DOCK1: variants seen among roughly 807,000 people sequenced by gnomAD.
DOCK1 encodes the protein dedicator of cytokinesis protein 1.
DOCK1 carries 138 observed loss-of-function variants against 262.7 expected under a neutral mutation model. That is an observed-to-expected ratio of 0.53 (90% CI 0.46 to 0.61). The LOEUF (loss-of-function observed/expected upper bound fraction) is 0.61. DOCK1 is among the 20% of genes least tolerant of loss of function. The pLI, the probability that DOCK1 is intolerant of heterozygous loss-of-function variation, is 0.00. For missense variants in DOCK1, 1,908 were observed against 2,370.7 expected (o/e 0.80, Z 4.05); for synonymous variants, 866 against 867.4 (o/e 1.00, Z 0.03).
chr10:127,387,701 G>A (rs775837706), intron 38 of DOCK1, among the ~76,000 whole-genome samples: 2 of 152,234 alleles, frequency 1.3e-5, no homozygotes, highest in African/African-American at 2.4e-5. Flanking sequence ...AACAGTGCCT[G>A]GCACACAGCA....
At chr10:127,319,154 G>A (rs1329655346) in intron 29 of DOCK1, among the ~76,000 whole-genome samples, 1 of 152,208 alleles carries the variant, frequency 6.6e-6, no homozygotes, top group Admixed American at 6.5e-5. Context: ...ATCACCAAAG[G>A]CGCGTGGTGC....
chr10:127,094,040 A>T (rs954338588), intron 23 of DOCK1, among the ~76,000 whole-genome samples: 1 of 152,084 alleles, frequency 6.6e-6, no homozygotes, highest in Non-Finnish European at 1.5e-5. Context: ...TAATCACATT[A>T]TTCCTAAAGT....
At chr10:127,000,826 T>C (rs564761634) in intron 10 of DOCK1, 2 of 150,170 alleles carry the variant, frequency 1.3e-5, no homozygotes, top group African/African-American at 6.2e-5. Flanking sequence ...TCCTCTGCCA[T>C]GTTGGTGCTC....
intron 29 of DOCK1, among the ~76,000 whole-genome samples, chr10:127,338,747 T>C (rs974800324): frequency 2.0e-5 from 3 of 152,198 alleles, no homozygotes; most frequent in African/African-American, 4.8e-5. Flanking sequence ...TTTTAAGTCA[T>C]ACTTTTCAAA....
chr10:127,211,474 G>C lies in DOCK1; in HGVS notation c.2848-36534G>C, dbSNP rs190138598. Among the ~76,000 whole-genome samples, 153 of 152,308 alleles carry C rather than the reference G, an allele frequency of 1.0e-3. 1 individual carries two copies. Among genetic ancestry groups the C allele is most frequent in the African/African-American group, 3.4e-3 (141 of 41,558 alleles). On this transcript the variant is annotated intron_variant, in intron 27 of 51. Coordinates refer to ENST00000623213, the MANE Select transcript of DOCK1 (RefSeq NM_001290223.2). ...TTATAGACATCGCCATCCCCTGTTA[G>C]TGAATTTGGGGTCTTGAGACGTCAT... is the stretch of plus-strand genomic sequence containing the variant.
intron 31 of DOCK1, among the ~76,000 whole-genome samples, chr10:127,352,750 G>A (rs1053638244): frequency 6.6e-5 from 10 of 152,064 alleles, no homozygotes; most frequent in Admixed American, 1.3e-4. Context: ...GTGCCACCAC[G>A]CCCAGCTAAT....
chr10:127,052,790 G>C lies in DOCK1; in HGVS notation c.2311G>C (p.Val771Leu). The C allele has an allele frequency of 6.2e-7, 1 of 1,613,526 alleles. No individual in the cohort carries two copies. Among genetic ancestry groups the C allele is most frequent in the Non-Finnish European group, 8.5e-7 (1 of 1,179,664 alleles). The change falls in exon 22 of 52, where the codon GTG becomes CTG. Residue 771 changes from valine to leucine, a missense_variant. Val to Leu is a conservative substitution (Grantham distance 32). This residue lies in a region of DOCK1 where 518 missense variants were observed against 575.1 expected (regional missense o/e 0.90). Coordinates refer to ENST00000623213, the MANE Select transcript of DOCK1 (RefSeq NM_001290223.2). ...KALESIFKFIVRSRILFNQLY... is the reference protein window; with the variant it reads ...KALESIFKFILRSRILFNQLY... The stretch of plus-strand genomic sequence containing the variant: ...GCTAGAATCCATCTTCAAGTTCATC[G>C]TGCGCTCCAGGATCCTGTTCAATCA...
At chr10:127,169,078 C>T (rs533138338) in intron 27 of DOCK1, among the ~76,000 whole-genome samples, 21 of 152,270 alleles carry the variant, frequency 1.4e-4, no homozygotes, top group South Asian at 6.2e-4. Context: ...AGTCACATCA[C>T]GCAAACATGT....
chr10:126,972,767 C>T (rs994544163), intron 2 of DOCK1, among the ~76,000 whole-genome samples: 2 of 151,846 alleles, frequency 1.3e-5, no homozygotes, highest in Admixed American at 1.3e-4. Context: ...ATTTCCCCAT[C>T]TGATGCATGC....
At chr10:127,131,161 A>G (rs1017022570) in intron 27 of DOCK1, among the ~76,000 whole-genome samples, 2 of 152,158 alleles carry the variant, frequency 1.3e-5, no homozygotes, top group African/African-American at 4.8e-5. Context: ...GCGAGGACCC[A>G]TGCTTGGTCT....
intron 27 of DOCK1, among the ~76,000 whole-genome samples, chr10:127,174,529 A>G (rs987449376): frequency 3.9e-5 from 6 of 152,168 alleles, no homozygotes; most frequent in Admixed American, 3.3e-4. Flanking sequence ...TCAACGCAAT[A>G]AAGTATTGGC....
intron 27 of DOCK1, among the ~76,000 whole-genome samples, chr10:127,159,737 A>G (rs1402284047): frequency 1.3e-5 from 2 of 152,184 alleles, no homozygotes; most frequent in African/African-American, 4.8e-5. Flanking sequence ...TTGAAAAGAA[A>G]CAAAGAAGGG....
intron 29 of DOCK1, among the ~76,000 whole-genome samples, chr10:127,313,145 T>G (rs1019527397): frequency 6.6e-6 from 1 of 152,112 alleles, no homozygotes; most frequent in Non-Finnish European, 1.5e-5. Flanking sequence ...CACCAGCTAC[T>G]CTATGAAGTC....
intron 1 of DOCK1, 133 bp downstream of exon 1, chr10:126,905,696 C>G (rs2030612504): frequency 6.7e-6 from 1 of 148,574 alleles, no homozygotes; most frequent in Admixed American, 6.7e-5. Context: ...CGCGCCCGCG[C>G]CGCCGCCCCG....
Position 127,175,311 on chromosome 10 carries a change from A to C in DOCK1, c.2847+47547A>C. On this transcript the variant is annotated intron_variant, in intron 27 of 51. Coordinates refer to ENST00000623213, the MANE Select transcript of DOCK1 (RefSeq NM_001290223.2). The surrounding 1 kb of genome is among the most constrained non-coding windows in gnomAD (Gnocchi z 6.3). ...ACTGATCAAGTTCTCCATCATCTGAAGTTGTGCTTTGAGGTCGACCACTTC... is the reference window on the plus strand; with the variant it reads ...ACTGATCAAGTTCTCCATCATCTGACGTTGTGCTTTGAGGTCGACCACTTC... The C allele has an allele frequency of 6.2e-7, 1 of 1,614,002 alleles. No individual in the cohort carries two copies. The highest frequency in any genetic ancestry group is 8.5e-7 in the Non-Finnish European group (1 of 1,180,006).
chr10:127,122,965 G>A (rs2049704602), intron 25 of DOCK1, among the ~76,000 whole-genome samples: 1 of 152,188 alleles, frequency 6.6e-6, no homozygotes, highest in African/African-American at 2.4e-5. Context: ...CAGATAAATG[G>A]TGCGGTGAGG....
intron 23 of DOCK1, among the ~76,000 whole-genome samples, chr10:127,068,506 C>A (rs910923292): frequency 4.4e-5 from 1 of 22,638 alleles, no homozygotes; most frequent in Non-Finnish European, 9.2e-5. Context: ...ATAAAGGTAT[C>A]AAGTCCTGGT....
chr10:127,142,264 C>T (rs900665933), intron 27 of DOCK1, among the ~76,000 whole-genome samples: 1 of 152,178 alleles, frequency 6.6e-6, no homozygotes, highest in South Asian at 2.1e-4. Flanking sequence ...CGTGGGAAGC[C>T]GGGGCTCCAA....
At chr10:127,135,703 A>C (rs1021382955) in intron 27 of DOCK1, 1 of 152,622 alleles carries the variant, frequency 6.6e-6, no homozygotes, top group African/African-American at 2.4e-5. Context: ...TATCTTCAGA[A>C]GTTCCTTTTT....
Sources: allele counts gnomAD v4.1 joint callset (sites outside exome capture counted in the v4.1 genomes callset), GRCh38; gene constraint gnomAD v4.1.1; regional missense constraint gnomAD v4.1.1; non-coding constraint Gnocchi (gnomAD v3.1); transcripts MANE v1.5; gene names NCBI Gene and HGNC (gene_info 2026-07-23, HGNC 2026-07-21).